Variants in CCDC91 observed in about 807,000 individuals in gnomAD.
The protein encoded by CCDC91 is coiled-coil domain containing 91, also known as coiled-coil domain-containing protein 91.
CCDC91 carries 48 observed loss-of-function variants against 63.2 expected under a neutral mutation model. That is an observed-to-expected ratio of 0.76 (90% CI 0.60 to 0.97). CCDC91 has a LOEUF of 0.97. CCDC91 is among the 50% of genes least tolerant of loss of function. CCDC91 has a pLI of 0.00. For missense variants in CCDC91, 500 were observed against 494.6 expected, an observed-to-expected ratio of 1.01 and a Z score of -0.10; for synonymous variants, 167 against 165.8, an observed-to-expected ratio of 1.01 and a Z score of -0.06.
At chr12:28,265,636 T>G (rs1947137103) in intron 3 of CCDC91, among the ~76,000 whole-genome samples, 1 of 152,084 alleles carries the variant, frequency 6.6e-6, no homozygotes, top group Non-Finnish European at 1.5e-5. Context: ...AACCCTGTTT[T>G]TCCAGTAGAA....
intron 12 of CCDC91, among the ~76,000 whole-genome samples, chr12:28,492,026 A>G (rs1952040057): frequency 6.6e-6 from 1 of 151,498 alleles, no homozygotes; most frequent in Admixed American, 6.6e-5. Context: ...TTAAGGGACC[A>G]CAATTGCCTT....
At chr12:28,449,753 T>C (rs1272225184) in intron 8 of CCDC91, among the ~76,000 whole-genome samples, 3 of 151,998 alleles carry the variant, frequency 2.0e-5, no homozygotes, top group African/African-American at 7.2e-5. Context: ...TCTATGATGA[T>C]AGTTGTTCAT....
At chr12:28,446,493 A>G (rs1238361664) in intron 8 of CCDC91, among the ~76,000 whole-genome samples, 1 of 152,190 alleles carries the variant, frequency 6.6e-6, no homozygotes, top group Non-Finnish European at 1.5e-5. Flanking sequence ...TCAAAAAACT[A>G]TATTTATATA....
chr12:28,499,039 A>G (rs554803179), intron 12 of CCDC91, among the ~76,000 whole-genome samples: 8 of 151,736 alleles, frequency 5.3e-5, no homozygotes, highest in East Asian at 3.9e-4. Context: ...TGTTTGTTCA[A>G]ATTCCTTGCT....
At chr12:28,258,801 C>T (rs1338093830) in intron 2 of CCDC91, among the ~76,000 whole-genome samples, 1 of 151,956 alleles carries the variant, frequency 6.6e-6, no homozygotes, top group African/African-American at 2.4e-5. Flanking sequence ...TGTGCTCTTA[C>T]CTACAAACTC....
intron 1 of CCDC91, among the ~76,000 whole-genome samples, chr12:28,239,694 G>A (rs759889815): frequency 8.7e-4 from 133 of 152,134 alleles, no homozygotes; most frequent in Non-Finnish European, 1.3e-3. Context: ...TCATATTGAT[G>A]GGATGTAACA....
chr12:28,466,069 A>T (rs1393082522), intron 11 of CCDC91, among the ~76,000 whole-genome samples: 1 of 97,218 alleles, frequency 1.0e-5, no homozygotes, highest in Non-Finnish European at 3.1e-5. Context: ...GAACTGACAA[A>T]GAAAAAAAGA....
chr12:28,372,637 C>T (rs1355056494), intron 7 of CCDC91, among the ~76,000 whole-genome samples: 1 of 151,410 alleles, frequency 6.6e-6, no homozygotes, highest in African/African-American at 2.4e-5. Flanking sequence ...TTCATTCTCA[C>T]CTTTGTTGTT....
chr12:28,274,089 A>T (rs1311673996), intron 3 of CCDC91, among the ~76,000 whole-genome samples: 1 of 152,188 alleles, frequency 6.6e-6, no homozygotes, highest in African/African-American at 2.4e-5. Context: ...ACCATTTATT[A>T]AACAGGGAAT....
At chr12:28,436,324 A>G (rs960528781) in intron 8 of CCDC91, among the ~76,000 whole-genome samples, 2 of 151,742 alleles carry the variant, frequency 1.3e-5, no homozygotes, top group African/African-American at 4.8e-5. Flanking sequence ...AACTAATCCA[A>G]TTTAACTTTC....
chr12:28,445,031 T>C (rs1371825414), intron 8 of CCDC91, among the ~76,000 whole-genome samples: 1 of 152,212 alleles, frequency 6.6e-6, no homozygotes, highest in Non-Finnish European at 1.5e-5. Context: ...TGACCTAGTG[T>C]CATCTTAAAG....
chr12:28,415,500 G>A (rs1310521770), intron 8 of CCDC91, among the ~76,000 whole-genome samples: 6 of 152,018 alleles, frequency 3.9e-5, no homozygotes, highest in Non-Finnish European at 7.4e-5. Context: ...GATTACAGGC[G>A]TGAGCCACTG....
chr12:28,432,395 G>C (rs753706252), intron 8 of CCDC91, among the ~76,000 whole-genome samples: 1 of 152,000 alleles, frequency 6.6e-6, no homozygotes, highest in Non-Finnish European at 1.5e-5. Flanking sequence ...TGCTGTTCTC[G>C]TGATAGTGAA....
chr12:28,424,948 G>A (rs1451097577), intron 8 of CCDC91, among the ~76,000 whole-genome samples: 1 of 152,048 alleles, frequency 6.6e-6, no homozygotes, highest in Non-Finnish European at 1.5e-5. Flanking sequence ...ATGATGTGAG[G>A]CAAAGATCCA....
At chr12:28,258,220 G>A (rs1162063602) in intron 2 of CCDC91, among the ~76,000 whole-genome samples, 1 of 151,826 alleles carries the variant, frequency 6.6e-6, no homozygotes, top group Non-Finnish European at 1.5e-5. Context: ...TTTTGGTTTT[G>A]TTGAGTGATT....
chr12:28,422,149 C>T (rs185736265), intron 8 of CCDC91, among the ~76,000 whole-genome samples: 17 of 152,114 alleles, frequency 1.1e-4, no homozygotes, highest in South Asian at 2.1e-4. Context: ...TACATTTAGA[C>T]GGATATTGAG....
chr12:28,268,309 C>T (rs1457114192), intron 3 of CCDC91, among the ~76,000 whole-genome samples: 2 of 151,830 alleles, frequency 1.3e-5, no homozygotes, highest in African/African-American at 4.8e-5. Context: ...GTGATCTGCC[C>T]ACCTCGGCTT....
In CCDC91 at chr12:28,362,449, A is replaced by G; in HGVS notation, c.588A>G (p.Lys196=). 6.3e-7 allele frequency: 1 copy of G among 1,584,416 alleles called. No homozygotes were observed. Among genetic ancestry groups the G allele is most frequent in the Non-Finnish European group, 8.6e-7 (1 of 1,164,652 alleles). Residue 196 remains lysine, a synonymous_variant, in exon 7 of 13, where the codon AAA becomes AAG. Transcript: ENST00000536442. The part of the protein sequence containing the change: ...DRYKELQEKH[K]QELEDMRKAG... ...CTTTTTTCTTTCAGGAAAAACATAA[A>G]CAAGAATTGGAAGACATGAGGAAAG...
intron 7 of CCDC91, among the ~76,000 whole-genome samples, chr12:28,363,449 A>G (rs1029166547): frequency 1.3e-5 from 2 of 152,088 alleles, no homozygotes; most frequent in African/African-American, 4.8e-5. Context: ...TTTGTTTTTC[A>G]TTGTTCATTA....
Sources: allele counts gnomAD v4.1 joint callset (sites outside exome capture counted in the v4.1 genomes callset), GRCh38; gene constraint gnomAD v4.1.1; transcripts MANE v1.5; gene names NCBI Gene and HGNC (gene_info 2026-07-23, HGNC 2026-07-21).